The following UBE2H variants were observed in gnomAD, a reference collection of about 807,000 sequenced individuals.
UBE2H encodes ubiquitin-conjugating enzyme E2 H.
UBE2H carries 3 observed loss-of-function variants against 29.0 expected under a neutral mutation model. That is an observed-to-expected ratio of 0.10 (90% CI 0.05 to 0.27). The LOEUF is 0.27. UBE2H is among the 10% of genes least tolerant of loss of function. UBE2H has a pLI of 1.00. For missense variants in UBE2H, 68 were observed against 228.2 expected, an observed-to-expected ratio of 0.30 and a Z score of 4.52; for synonymous variants, 69 against 82.9, an observed-to-expected ratio of 0.83 and a Z score of 0.91.
At chr7:129,908,506 T>C (rs966656256) in intron 1 of UBE2H, among the ~76,000 whole-genome samples, 2 of 152,236 alleles carry the variant, frequency 1.3e-5, no homozygotes, top group African/African-American at 2.4e-5. Context: ...GAACTTTGTC[T>C]TAACAACTTT....
Position 129,834,962 on chromosome 7 carries a change from T to C in UBE2H, c.527A>G (p.Asp176Gly). 1 of 1,613,654 alleles carries C rather than the reference T, an allele frequency of 6.2e-7. No individual in the cohort carries two copies. The highest frequency in any genetic ancestry group is 8.5e-7 in the Non-Finnish European group (1 of 1,180,024). The change falls in exon 7 of 7, where the codon GAT (aspartate) becomes GGT (glycine). Residue 176 changes from aspartate (D) to glycine (G), a missense_variant. Asp to Gly is a moderately conservative substitution (Grantham distance 94). This residue lies in a region of UBE2H where 3 missense variants were observed against 21.7 expected (regional missense o/e 0.14). Coordinates refer to ENST00000355621, the MANE Select transcript of UBE2H (RefSeq NM_003344.4). ...CTACAACTCCATATCCTGGGCCTCA[T>C]CTTCGGAAAAGTCAGACATAGAGCT... ...SESSMSDFSE[D>G]EAQDMEL
At chr7:129,899,814 G>A (rs956915380) in intron 1 of UBE2H, among the ~76,000 whole-genome samples, 4 of 152,174 alleles carry the variant, frequency 2.6e-5, no homozygotes, top group Non-Finnish European at 5.9e-5. Flanking sequence ...CACTTAAAAA[G>A]TATTTGTACT....
At chr7:129,860,015 C>T (rs763966620) in intron 3 of UBE2H, among the ~76,000 whole-genome samples, 11 of 152,156 alleles carry the variant, frequency 7.2e-5, no homozygotes, top group Non-Finnish European at 1.5e-4. Flanking sequence ...GGACAAGAGA[C>T]ACCAATAAAT....
chr7:129,856,597 G>C (rs1473437834), intron 5 of UBE2H, among the ~76,000 whole-genome samples: 2 of 152,200 alleles, frequency 1.3e-5, no homozygotes, highest in African/African-American at 4.8e-5. Flanking sequence ...CGGGGTAGGA[G>C]CACTGGAGTA....
At chr7:129,856,899 A>C (rs981255579) in intron 5 of UBE2H, 4 of 152,186 alleles carry the variant, frequency 2.6e-5, no homozygotes, top group African/African-American at 9.7e-5. Flanking sequence ...GTATTTTAAC[A>C]TATTTTCAGC....
intron 3 of UBE2H, among the ~76,000 whole-genome samples, chr7:129,878,188 C>A (rs1056973811): frequency 1.3e-5 from 2 of 152,136 alleles, no homozygotes; most frequent in Non-Finnish European, 2.9e-5. Context: ...CGTTTCTACA[C>A]CTATACAGGT....
intron 3 of UBE2H, among the ~76,000 whole-genome samples, chr7:129,864,328 T>C (rs1377992858): frequency 2.0e-5 from 3 of 152,160 alleles, no homozygotes; most frequent in African/African-American, 2.4e-5. Context: ...CCCTGGCATG[T>C]TCTCCTTCCT....
chr7:129,926,820 T>C (rs186133738), intron 1 of UBE2H, among the ~76,000 whole-genome samples: 74 of 152,260 alleles, frequency 4.9e-4, no homozygotes, highest in South Asian at 1.2e-3. Flanking sequence ...GAGTGTCAGA[T>C]CATAAAAAGC....
chr7:129,909,985 G>A (rs1806898813), intron 1 of UBE2H, among the ~76,000 whole-genome samples: 1 of 152,036 alleles, frequency 6.6e-6, no homozygotes, highest in Non-Finnish European at 1.5e-5. Flanking sequence ...GAGGGGGGGT[G>A]ATTCAAGGAA....
At chr7:129,917,757 T>TA (rs913427378) in intron 1 of UBE2H, among the ~76,000 whole-genome samples, 3 of 151,636 alleles carry the variant, frequency 2.0e-5, no homozygotes, top group African/African-American at 7.3e-5. Flanking sequence ...AAAGGAGGGG[T>TA]AAAAAAACAA....
intron 1 of UBE2H, among the ~76,000 whole-genome samples, chr7:129,922,338 T>C (rs892261243): frequency 2.0e-5 from 3 of 151,982 alleles, no homozygotes; most frequent in Admixed American, 2.0e-4. Flanking sequence ...CAGGCTGGAA[T>C]GCAATGGCAT....
intron 1 of UBE2H, among the ~76,000 whole-genome samples, chr7:129,884,210 G>A (rs1806311765): frequency 6.6e-6 from 1 of 152,254 alleles, no homozygotes; most frequent in Admixed American, 6.5e-5. Flanking sequence ...GAGGTCAGGA[G>A]ATCGAGACCA....
At chr7:129,951,216 CAA>C (rs1348124561) in intron 1 of UBE2H, 1 of 152,066 alleles carries the variant, frequency 6.6e-6, no homozygotes, top group East Asian at 1.9e-4. Context: ...CTGATCTCTA[CAA>C]AGAGGTAAAA....
chr7:129,921,052 G>A (rs1034014467), intron 1 of UBE2H, among the ~76,000 whole-genome samples: 2 of 151,492 alleles, frequency 1.3e-5, no homozygotes, highest in African/African-American at 4.9e-5. Flanking sequence ...TATTACACGT[G>A]ATTTTTTTTT....
At chr7:129,885,832 A>T (rs1806349188) in intron 1 of UBE2H, among the ~76,000 whole-genome samples, 1 of 152,230 alleles carries the variant, frequency 6.6e-6, no homozygotes, top group South Asian at 2.1e-4. Context: ...CATTAAAAAT[A>T]AGCCATTCCA....
intron 3 of UBE2H, among the ~76,000 whole-genome samples, chr7:129,871,350 T>C (rs901354384): frequency 6.6e-6 from 1 of 152,234 alleles, no homozygotes; most frequent in African/African-American, 2.4e-5. Flanking sequence ...CATAGCATTA[T>C]CTCTATTTAT....
At chr7:129,851,513 G>A (rs1330253069) in intron 5 of UBE2H, among the ~76,000 whole-genome samples, 1 of 152,222 alleles carries the variant, frequency 6.6e-6, no homozygotes, top group African/African-American at 2.4e-5. Context: ...TACAAGCCAA[G>A]TGTCCATACG....
chr7:129,861,496 G>A (rs1411563906), intron 3 of UBE2H, among the ~76,000 whole-genome samples: 1 of 152,106 alleles, frequency 6.6e-6, no homozygotes, highest in Admixed American at 6.6e-5. Flanking sequence ...TGTCATGTTT[G>A]CAAGATTCTC....
Position 129,909,060 on chromosome 7 carries a change from C to T in UBE2H, c.54-28089G>A, listed in dbSNP as rs148696339. ...ATATTAGCCATCATCTATACCAATG[C>T]TTTTACTAAAAAAAGTAAGTGCATT... On this transcript the variant is annotated intron_variant, in intron 1 of 6. Coordinates refer to ENST00000355621, the MANE Select transcript of UBE2H (RefSeq NM_003344.4). 5.6e-4 allele frequency among the ~76,000 whole-genome samples: 85 copies of T among 152,304 alleles called. 1 individual carries two copies. The East Asian group carries it at 7.9e-3, about 14-fold the overall frequency.
Sources: gnomAD v4.1 joint callset for allele counts (sites outside exome capture counted in the v4.1 genomes callset) on GRCh38, gnomAD v4.1.1 for gene constraint, gnomAD v4.1.1 regional missense constraint, MANE v1.5 for transcripts, NCBI Gene and HGNC (gene_info 2026-07-23, HGNC 2026-07-21) for gene names.